The following PKD1L1 variants were observed in gnomAD, a reference collection of about 807,000 sequenced individuals.
PKD1L1 encodes the protein polycystin 1 like 1, transient receptor potential channel interacting, also known as polycystin-1-like protein 1.
Under a neutral mutation model 323.4 loss-of-function variants are expected in PKD1L1, and 236 were observed. The ratio of observed to expected loss-of-function variants is 0.73; its 90% CI spans 0.66 to 0.81. The LOEUF (loss-of-function observed/expected upper bound fraction) is 0.81, where lower values mean the gene tolerates loss of function less well. Ranked by LOEUF, PKD1L1 falls within the 40% of genes least tolerant of loss-of-function variation. The probability of loss-of-function intolerance (pLI) is 0.00; values close to 1 mark genes in which losing one functional copy is unlikely to be tolerated. For missense variants in PKD1L1, 3,320 were observed against 3,508.0 expected (o/e 0.95, Z 1.35); for synonymous variants, 1,344 against 1,335.0 (o/e 1.01, Z -0.15).
At chr7:47,948,151 T>C (rs370588856) in intron 1 of PKD1L1, among the ~76,000 whole-genome samples, 1 of 152,148 alleles carries the variant, frequency 6.6e-6, no homozygotes, top group East Asian at 1.9e-4. Flanking sequence ...CAATCAGCAC[T>C]TCTCATGGCT....
intron 7 of PKD1L1, among the ~76,000 whole-genome samples, chr7:47,916,950 C>T (rs1404373119): frequency 6.6e-6 from 1 of 152,134 alleles, no homozygotes; most frequent in Non-Finnish European, 1.5e-5. Context: ...CACACTAGCT[C>T]ACCAGCAAGG....
rs935021794 is a variant in PKD1L1 at position 47,946,221 on chromosome 7, AG to A, written c.44+2175del. 1.3e-5 allele frequency among the ~76,000 whole-genome samples: 2 copies of A among 152,276 alleles called. No individual in the cohort carries two copies. Among genetic ancestry groups the A allele is most frequent in the African/African-American group, 4.8e-5 (2 of 41,544 alleles). ...AGTCTCTGAGGCATCATGTGCCTCA[AG>A]GGAACTAGTCGAGCCATTTGTTTGA... On this transcript the variant is annotated intron_variant, in intron 1 of 56. Coordinates refer to ENST00000289672, the MANE Select transcript of PKD1L1 (RefSeq NM_138295.5). The surrounding 1 kb of genome is among the most constrained non-coding windows in gnomAD (Gnocchi z 4.1).
At chr7:47,916,632 CA>C (rs1787434175) in intron 7 of PKD1L1, among the ~76,000 whole-genome samples, 1 of 152,182 alleles carries the variant, frequency 6.6e-6, no homozygotes, top group Admixed American at 6.5e-5. Context: ...GAGAGACTCA[CA>C]AATGGTTCAC....
At chr7:47,778,677 T>C (rs1282128329) in intron 56 of PKD1L1, among the ~76,000 whole-genome samples, 2 of 152,252 alleles carry the variant, frequency 1.3e-5, no homozygotes, top group African/African-American at 2.4e-5. Flanking sequence ...ATTACTGATA[T>C]ATAGGAGACT....
chr7:47,791,174 G>A (rs1786937426), intron 56 of PKD1L1, among the ~76,000 whole-genome samples: 1 of 151,900 alleles, frequency 6.6e-6, no homozygotes, highest in East Asian at 1.9e-4. Flanking sequence ...AAATTTTCTG[G>A]GCTTTTTTAG....
intron 41 of PKD1L1, among the ~76,000 whole-genome samples, chr7:47,832,084 G>A (rs1322222705): frequency 1.3e-5 from 2 of 152,214 alleles, no homozygotes; most frequent in Non-Finnish European, 2.9e-5. Flanking sequence ...TAGGGCAATC[G>A]AGTACAACAC....
At chr7:47,887,531 T>C (rs1394790175) in intron 17 of PKD1L1, among the ~76,000 whole-genome samples, 4 of 152,134 alleles carry the variant, frequency 2.6e-5, no homozygotes, top group Non-Finnish European at 5.9e-5. Context: ...CAAAGAAAAT[T>C]AAATCTTAGA....
chr7:47,905,998 C>A, intron 9 of PKD1L1, 36 bp from the exon 10 acceptor site: 2 of 1,536,100 alleles, frequency 1.3e-6, no homozygotes, highest in South Asian at 2.5e-5. Flanking sequence ...GAGAAAAAGT[C>A]TTAAAATTAA....
At chr7:47,944,482 A>T (rs1342495785) in intron 1 of PKD1L1, among the ~76,000 whole-genome samples, 2 of 152,226 alleles carry the variant, frequency 1.3e-5, no homozygotes, top group Non-Finnish European at 2.9e-5. Flanking sequence ...TGGGATCATG[A>T]AGGCCCAGCA....
chr7:47,913,642 C>T (rs1787370119), intron 8 of PKD1L1, among the ~76,000 whole-genome samples: 1 of 152,134 alleles, frequency 6.6e-6, no homozygotes, highest in Non-Finnish European at 1.5e-5. Flanking sequence ...GTGTGTGTTC[C>T]CTGTTCGCTT....
chr7:47,789,292 T>C (rs1256969251), intron 56 of PKD1L1, among the ~76,000 whole-genome samples: 1 of 152,208 alleles, frequency 6.6e-6, no homozygotes, highest in Non-Finnish European at 1.5e-5. Flanking sequence ...AGTCAGTTTG[T>C]TGCATAATAA....
the PKD1L1 span, among the ~76,000 whole-genome samples, chr7:47,959,543 G>A: frequency 6.9e-6 from 1 of 145,612 alleles, no homozygotes; most frequent in Non-Finnish European, 1.5e-5. Context: ...GAGCGTCTCT[G>A]CCCAGCCGCC....
In PKD1L1 at chr7:47,840,520, C is replaced by G. The variant is rs1785545052; in HGVS notation, c.5493G>C (p.Glu1831Asp). 1 of 1,614,032 alleles carries G rather than the reference C, an allele frequency of 6.2e-7. No homozygotes were observed. The highest frequency in any genetic ancestry group is 1.7e-5 in the Admixed American group (1 of 60,008). Residue 1831 changes from glutamate to aspartate, a missense_variant, in exon 35 of 57, where the codon GAG becomes GAC. Glu to Asp is a conservative substitution (Grantham distance 45). Transcript: ENST00000289672. The surrounding 1 kb of genome is among the most constrained non-coding windows in gnomAD (Gnocchi z 4.1). ...CGDNGLSETK[E>D]LSCPEKPLFE... ...ACAGGGGCTTCTCTGGACAGGAGAGCTCCTTGGTTTCTGACAGTCCATTGT... is the reference window on the plus strand; with the variant it reads ...ACAGGGGCTTCTCTGGACAGGAGAGGTCCTTGGTTTCTGACAGTCCATTGT...
At chr7:47,784,700 T>G (rs748500203) in intron 56 of PKD1L1, among the ~76,000 whole-genome samples, 1 of 152,080 alleles carries the variant, frequency 6.6e-6, no homozygotes, top group Admixed American at 6.6e-5. Flanking sequence ...CTCGAACTCC[T>G]TACCTCAGGT....
chr7:47,893,907 G>C lies in PKD1L1; in HGVS notation c.2424C>G (p.Phe808Leu). ...GAGTCGCCCCAGGGTCGTCAGGGTC[G>C]AAGGACTGGGTCCCTCTGAGGACAA... Reference protein sequence around the residue: ...SPIVLRGTQSFDPDDPGATLR... With the variant: ...SPIVLRGTQSLDPDDPGATLR... The change falls in exon 15 of 57, where the codon TTC (phenylalanine) becomes TTG (leucine). Residue 808 changes from phenylalanine to leucine, a missense_variant. Physicochemically the swap from Phe to Leu is conservative, Grantham distance 22. Transcript: ENST00000289672. 1.2e-6 allele frequency: 2 copies of C among 1,613,912 alleles called. No homozygotes were observed. The highest frequency in any genetic ancestry group is 1.7e-6 in the Non-Finnish European group (2 of 1,179,984).
intron 54 of PKD1L1, among the ~76,000 whole-genome samples, chr7:47,796,924 C>T (rs1362451383): frequency 9.3e-5 from 14 of 150,104 alleles, no homozygotes; most frequent in African/African-American, 2.5e-4. Context: ...GGCGTGAATC[C>T]GGGAGGCGGA....
At chr7:47,913,307 A>T (rs1234262531) in intron 8 of PKD1L1, among the ~76,000 whole-genome samples, 1 of 152,234 alleles carries the variant, frequency 6.6e-6, no homozygotes, top group African/African-American at 2.4e-5. Context: ...GCCAAAAAAA[A>T]GCTGAGTGAG....
intron 3 of PKD1L1, among the ~76,000 whole-genome samples, chr7:47,939,463 C>A (rs1444621462): frequency 1.3e-5 from 2 of 152,144 alleles, no homozygotes; most frequent in African/African-American, 4.8e-5. Context: ...AATGCTTATT[C>A]TGGGTGAAAA....
Position 47,775,081 on chromosome 7 carries a change from T to C in PKD1L1, c.*62A>G. The C allele has an allele frequency of 2.6e-6, 4 of 1,563,534 alleles. No homozygotes were observed. In the South Asian group the frequency reaches 4.6e-5, roughly 18 times the overall value. ...TGCAAAACTAGGATGTCTGCTAAAA[T>C]TGGCTGTTGGGTGGGTTAAGCAAAA... On this transcript the variant is annotated 3_prime_UTR_variant, in exon 57 of 57. Transcript: ENST00000289672.
Sources: allele counts gnomAD v4.1 joint callset (sites outside exome capture counted in the v4.1 genomes callset), GRCh38; gene constraint gnomAD v4.1.1; non-coding constraint Gnocchi (gnomAD v3.1); transcripts MANE v1.5; gene names NCBI Gene and HGNC (gene_info 2026-07-23, HGNC 2026-07-21).